Variants in CDC42EP3 observed in about 807,000 individuals in gnomAD.
The protein encoded by CDC42EP3 is CDC42 effector protein 3.
CDC42EP3 carries 4 observed loss-of-function variants against 15.5 expected under a neutral mutation model. The ratio of observed to expected loss-of-function variants is 0.26; its 90% CI spans 0.13 to 0.59. The LOEUF is 0.59. Among genes scored for constraint, CDC42EP3 ranks in the 20% least tolerant of loss-of-function variants. The probability of loss-of-function intolerance (pLI) is 0.89; values close to 1 mark genes in which losing one functional copy is unlikely to be tolerated. For missense variants in CDC42EP3, 309 were observed against 311.2 expected, an observed-to-expected ratio of 0.99 and a Z score of 0.05; for synonymous variants, 145 against 130.3, an observed-to-expected ratio of 1.11 and a Z score of -0.77.
At chr2:37,647,908 C>G (rs1170894569) in intron 1 of CDC42EP3, among the ~76,000 whole-genome samples, 1 of 152,000 alleles carries the variant, frequency 6.6e-6, no homozygotes, top group Non-Finnish European at 1.5e-5. Flanking sequence ...CCCAGTTGAG[C>G]CTCTGATGAG....
intron 1 of CDC42EP3, among the ~76,000 whole-genome samples, chr2:37,668,246 C>T (rs1666303909): frequency 6.6e-6 from 1 of 152,086 alleles, no homozygotes; most frequent in African/African-American, 2.4e-5. Context: ...TAATTGGGGA[C>T]CACTGTACTA....
intron 1 of CDC42EP3, among the ~76,000 whole-genome samples, chr2:37,660,012 A>G (rs1217018596): frequency 1.3e-5 from 2 of 152,228 alleles, no homozygotes; most frequent in African/African-American, 4.8e-5. Flanking sequence ...ACTGGGTACC[A>G]GTTACCTTCA....
intron 1 of CDC42EP3, among the ~76,000 whole-genome samples, chr2:37,651,161 T>C (rs1213193160): frequency 6.6e-6 from 1 of 152,216 alleles, no homozygotes; most frequent in African/African-American, 2.4e-5. Context: ...AATGCGTGTA[T>C]TTATATTTGT....
intron 1 of CDC42EP3, among the ~76,000 whole-genome samples, chr2:37,651,742 G>A (rs541522202): frequency 2.0e-5 from 3 of 152,332 alleles, no homozygotes; most frequent in South Asian, 2.1e-4. Context: ...GAGGAGGGAA[G>A]TGCAGGCAGG....
chr2:37,667,788 C>G (rs1355784800), intron 1 of CDC42EP3, among the ~76,000 whole-genome samples: 1 of 152,240 alleles, frequency 6.6e-6, no homozygotes, highest in Non-Finnish European at 1.5e-5. Flanking sequence ...TTAACAACTT[C>G]TCTGCCCCTC....
intron 1 of CDC42EP3, among the ~76,000 whole-genome samples, chr2:37,658,059 T>A (rs1665936385): frequency 2.0e-5 from 3 of 152,176 alleles, no homozygotes; most frequent in Non-Finnish European, 4.4e-5. Flanking sequence ...ACCCCTGTCT[T>A]AAATGTTGGC....
At chr2:37,671,272 T>G (rs1666409809) in intron 1 of CDC42EP3, among the ~76,000 whole-genome samples, 154 bp downstream of exon 1, 1 of 152,208 alleles carries the variant, frequency 6.6e-6, no homozygotes, top group Non-Finnish European at 1.5e-5. Flanking sequence ...TTCGTTCCGT[T>G]GGACACTAGA....
intron 1 of CDC42EP3, among the ~76,000 whole-genome samples, chr2:37,648,399 T>C (rs1665545579): frequency 6.6e-6 from 1 of 152,238 alleles, no homozygotes; most frequent in Middle Eastern, 3.2e-3. Flanking sequence ...ATTTCTTTCC[T>C]TTCAGCAAGA....
intron 1 of CDC42EP3, among the ~76,000 whole-genome samples, chr2:37,661,126 T>C (rs1030942367): frequency 1.4e-5 from 2 of 142,316 alleles, no homozygotes; most frequent in Non-Finnish European, 3.1e-5. Context: ...TGTGTGTGTG[T>C]GTGCGTGTGT....
In CDC42EP3 at chr2:37,646,409, T is replaced by C; in HGVS notation, c.179A>G (p.Gln60Arg). ...TCCAGGTAAAAGCTCGTAGTTCCCT[T>C]GAAGAAAGGAAATATCTCCAAAGAC... Reference protein sequence around the residue: ...HDVFGDISFLQGNYELLPGNQ... With the variant: ...HDVFGDISFLRGNYELLPGNQ... The change falls in exon 2 of 2, where the codon CAA becomes CGA. Residue 60 changes from glutamine to arginine, a missense_variant. Physicochemically the swap from Gln to Arg is conservative, Grantham distance 43. Transcript: ENST00000295324. 6.2e-7 allele frequency: 1 copy of C among 1,614,084 alleles called. No individual in the cohort carries two copies. Among genetic ancestry groups the C allele is most frequent in the Non-Finnish European group, 8.5e-7 (1 of 1,180,006 alleles).
At chr2:37,668,821 C>T (rs529003581) in intron 1 of CDC42EP3, among the ~76,000 whole-genome samples, 44 of 152,238 alleles carry the variant, frequency 2.9e-4, no homozygotes, top group African/African-American at 8.9e-4. Context: ...ACACATAGGA[C>T]GGGCTCCACT....
At chr2:37,659,949 AG>A (rs1666003828) in intron 1 of CDC42EP3, among the ~76,000 whole-genome samples, 2 of 152,232 alleles carry the variant, frequency 1.3e-5, no homozygotes. Flanking sequence ...GAGCGGGGGA[AG>A]AGCTGGACCA....
intron 1 of CDC42EP3, among the ~76,000 whole-genome samples, chr2:37,669,442 G>T (rs1666340939): frequency 6.6e-6 from 1 of 152,168 alleles, no homozygotes; most frequent in African/African-American, 2.4e-5. Context: ...CACTGTTACG[G>T]CTTTGTATTT....
Position 37,646,713 on chromosome 2 carries a change from T to A in CDC42EP3, c.-126A>T. On this transcript the variant is annotated 5_prime_UTR_variant, in exon 2 of 2. Transcript: ENST00000295324. ...CATTTTTCTCAAGTGGCTTCAGAAG[T>A]GGCTTCGAAATGAGATGGGGTCAAA... 1.0e-6 allele frequency: 1 copy of A among 975,696 alleles called. No individual in the cohort carries two copies. Among genetic ancestry groups the A allele is most frequent in the Non-Finnish European group, 1.5e-6 (1 of 653,726 alleles). The allele number at this position is 975,696 out of a possible 1,614,324, so 60.4% of individuals were successfully genotyped here.
In CDC42EP3 at chr2:37,645,678, T is replaced by A. The variant is rs1665426744; in HGVS notation, c.*145A>T. 2.9e-6 allele frequency: 2 copies of A among 690,516 alleles called. No homozygotes were observed. Among genetic ancestry groups the A allele is most frequent in the Admixed American group, 5.8e-5 (2 of 34,634 alleles). 42.8% of individuals were successfully genotyped at this position (690,516 alleles called of 1,614,324 possible). On this transcript the variant is annotated 3_prime_UTR_variant, in exon 2 of 2. Transcript: ENST00000295324. ...CTAAATTGTTTTTGCAAACAGGGCATAACAGGTAAAAAAATACTTTGTAAG... is the reference window on the plus strand; with the variant it reads ...CTAAATTGTTTTTGCAAACAGGGCAAAACAGGTAAAAAAATACTTTGTAAG...
chr2:37,665,812 A>G (rs1666231229), intron 1 of CDC42EP3, among the ~76,000 whole-genome samples: 1 of 151,988 alleles, frequency 6.6e-6, no homozygotes, highest in South Asian at 2.1e-4. Context: ...AGAGTCTTAC[A>G]TTATTAGTAG....
chr2:37,660,119 C>G (rs748755996), intron 1 of CDC42EP3, among the ~76,000 whole-genome samples: 11 of 152,224 alleles, frequency 7.2e-5, no homozygotes, highest in Non-Finnish European at 1.5e-4. Flanking sequence ...AAGGCATTAT[C>G]TTTTCCCCAA....
At chr2:37,660,930 G>T (rs1666037295) in intron 1 of CDC42EP3, among the ~76,000 whole-genome samples, 1 of 152,098 alleles carries the variant, frequency 6.6e-6, no homozygotes, top group Admixed American at 6.5e-5. Flanking sequence ...TCATTGGAAG[G>T]GACTTCATAC....
At chr2:37,656,994 C>CCCCCCA (rs1454484887) in intron 1 of CDC42EP3, among the ~76,000 whole-genome samples, 2 of 100,944 alleles carry the variant, frequency 2.0e-5, no homozygotes, top group African/African-American at 9.8e-5. Context: ...CCCCCCACCC[C>CCCCCCA]CCGCCCCCCG....
Sources: allele counts gnomAD v4.1 joint callset (sites outside exome capture counted in the v4.1 genomes callset), GRCh38; gene constraint gnomAD v4.1.1; transcripts MANE v1.5; gene names NCBI Gene and HGNC (gene_info 2026-07-23, HGNC 2026-07-21).